Variants in CDH17 observed in about 807,000 individuals in gnomAD.
The protein encoded by CDH17 is cadherin 17.
Under a neutral mutation model 86.3 loss-of-function variants are expected in CDH17, and 67 were observed. That is an observed-to-expected ratio of 0.78 (90% confidence interval 0.64 to 0.95). The LOEUF (loss-of-function observed/expected upper bound fraction) is 0.95. Ranked by LOEUF, CDH17 falls within the 40% of genes least tolerant of loss-of-function variation. The pLI is 0.00. For missense variants in CDH17, 993 were observed against 1,017.6 expected (o/e 0.98, Z 0.33); for synonymous variants, 367 against 366.4 (o/e 1.00, Z -0.02).
At chr8:94,165,420 A>G (rs1327328531) in intron 10 of CDH17, among the ~76,000 whole-genome samples, 1 of 152,120 alleles carries the variant, frequency 6.6e-6, no homozygotes, top group Non-Finnish European at 1.5e-5. Flanking sequence ...AGCGTCAGGC[A>G]TCAGGCTTGT....
At chr8:94,195,206 G>A (rs1383837917) in intron 1 of CDH17, among the ~76,000 whole-genome samples, 1 of 152,040 alleles carries the variant, frequency 6.6e-6, no homozygotes, top group Admixed American at 6.6e-5. Context: ...TTTCACCATG[G>A]TGACCAAGCT....
At chr8:94,177,756 G>GCAAAAAACAGATTAAGTTGTAAT in intron 3 of CDH17, 35 bp from the exon 4 acceptor site, 2 of 1,604,318 alleles carry the variant, frequency 1.2e-6, no homozygotes, top group Non-Finnish European at 1.7e-6. Context: ...TAAGTTGTAA[G>GCAAAAAACAGATTAAGTTGTAAT]GGAAAAAACA....
At chr8:94,166,952 G>T (rs757371224) in intron 9 of CDH17, among the ~76,000 whole-genome samples, 2 of 152,154 alleles carry the variant, frequency 1.3e-5, no homozygotes, top group Non-Finnish European at 2.9e-5. Context: ...GTCTAGGAGA[G>T]AAAAGATTTC....
At chr8:94,128,445 T>G in intron 17 of CDH17, 105 bp from the exon 18 acceptor site, 1 of 703,820 alleles carries the variant, frequency 1.4e-6, no homozygotes, top group Non-Finnish European at 2.4e-6. Flanking sequence ...CTCAACTTCA[T>G]TTTTGTATGT....
chr8:94,173,937 C>A lies in CDH17; in HGVS notation c.643G>T (p.Asp215Tyr), dbSNP rs754008723. ...GAATTCTCACTCTGGCCTCCCATGT[C>A]CTTCACTGAGATCACCAGATTATAG... The part of the protein sequence containing the change: ...PSYNLVISVK[D>Y]MGGQSENSFS... The change falls in exon 7 of 18, where the codon GAC (aspartate) becomes TAC (tyrosine). Residue 215 changes from aspartate to tyrosine, a missense_variant. Asp to Tyr is a radical substitution (Grantham distance 160). Transcript: ENST00000027335. 6.2e-7 allele frequency: 1 copy of A among 1,613,782 alleles called. No homozygotes were observed. Among genetic ancestry groups the A allele is most frequent in the South Asian group, 1.1e-5 (1 of 91,074 alleles).
chr8:94,199,083 A>ATATATATATAT (rs1283889347), intron 1 of CDH17, among the ~76,000 whole-genome samples: 1 of 23,222 alleles, frequency 4.3e-5, no homozygotes, highest in African/African-American at 1.1e-4. Flanking sequence ...ATATATATAT[A>ATATATATATAT]TTTTTTTTTT....
At chr8:94,134,974 A>C (rs1018081900) in intron 15 of CDH17, among the ~76,000 whole-genome samples, 11 of 152,026 alleles carry the variant, frequency 7.2e-5, no homozygotes, top group Non-Finnish European at 1.5e-4. Flanking sequence ...TGTGGTTTTG[A>C]GTGAGTTTTT....
At position 94,127,384 on chromosome 8, in the gene CDH17, C is replaced by A. The variant is rs1158438093; in HGVS notation, c.*856G>T. The A allele has an allele frequency of 6.6e-6, 1 of 152,258 alleles. No individual in the cohort carries two copies. Among genetic ancestry groups the A allele is most frequent in the African/African-American group, 2.4e-5 (1 of 41,472 alleles). 9.4% of individuals were successfully genotyped at this position (152,258 alleles called of 1,614,324 possible). A position where few individuals can be genotyped will look rare whatever the true frequency, so the allele number is the denominator to read the frequency against. On this transcript the variant is annotated 3_prime_UTR_variant, in exon 18 of 18. Coordinates refer to ENST00000027335, the MANE Select transcript of CDH17 (RefSeq NM_004063.4). ...TGCAGAGTAGGTTGTGTTTGAACAC[C>A]TTCTGTGGGTCTGTGTCATTTCCAA...
Position 94,173,958 on chromosome 8 carries a change from T to G in CDH17, c.622A>C (p.Asn208His), listed in dbSNP as rs371527416. ...ELNPAKNPSY[N>H]LVISVKDMGG... ...ATGTCCTTCACTGAGATCACCAGAT[T>G]ATAGGAAGGATTCTTAGCAGGATTC... The change falls in exon 7 of 18, where the codon AAT (asparagine) becomes CAT (histidine). Residue 208 changes from asparagine to histidine, a missense_variant. Physicochemically the swap from Asn to His is moderately conservative, Grantham distance 68. Transcript: ENST00000027335. The G allele has an allele frequency of 1.9e-6, 3 of 1,613,702 alleles. No individual in the cohort carries two copies. Among genetic ancestry groups the G allele is most frequent in the Non-Finnish European group, 1.7e-6 (2 of 1,179,854 alleles).
chr8:94,127,387 C>T lies in CDH17; in HGVS notation c.*853G>A, dbSNP rs1414532494. On this transcript the variant is annotated 3_prime_UTR_variant, in exon 18 of 18. Transcript: ENST00000027335. ...AGAGTAGGTTGTGTTTGAACACCTT[C>T]TGTGGGTCTGTGTCATTTCCAAGTT... 1 of 152,258 alleles carries T rather than the reference C, an allele frequency of 6.6e-6. No homozygotes were observed. The highest frequency in any genetic ancestry group is 1.5e-5 in the Non-Finnish European group (1 of 68,052). 9.4% of individuals were successfully genotyped at this position (152,258 alleles called of 1,614,324 possible).
intron 10 of CDH17, among the ~76,000 whole-genome samples, chr8:94,162,627 T>C (rs540839173): frequency 6.6e-6 from 1 of 152,218 alleles, no homozygotes; most frequent in African/African-American, 2.4e-5. Context: ...GATGGTGAGG[T>C]CCAAGGGCCT....
intron 2 of CDH17, among the ~76,000 whole-genome samples, chr8:94,191,157 T>A (rs1030058581): frequency 6.6e-6 from 1 of 150,790 alleles, no homozygotes; most frequent in African/African-American, 2.4e-5. Flanking sequence ...TTCCTGATTT[T>A]AAAAAAAAGG....
At chr8:94,166,462 G>A (rs1015854812) in intron 9 of CDH17, among the ~76,000 whole-genome samples, 6 of 152,086 alleles carry the variant, frequency 3.9e-5, no homozygotes, top group African/African-American at 1.4e-4. Context: ...GTCACATTCC[G>A]AGGTACTAGG....
At chr8:94,131,152 A>G (rs1223210832) in intron 15 of CDH17, among the ~76,000 whole-genome samples, 160 bp from the exon 16 acceptor site, 1 of 152,194 alleles carries the variant, frequency 6.6e-6, no homozygotes, top group Admixed American at 6.5e-5. Flanking sequence ...GTATCTTCCC[A>G]TAAGGTAAGA....
intron 17 of CDH17, among the ~76,000 whole-genome samples, chr8:94,130,424 G>A (rs1245034503): frequency 2.6e-5 from 4 of 152,226 alleles, no homozygotes; most frequent in Admixed American, 6.5e-5. Flanking sequence ...AACTAATAAG[G>A]CAATAGAGAC....
chr8:94,193,151 T>G (rs944865544), intron 2 of CDH17, among the ~76,000 whole-genome samples: 18 of 152,232 alleles, frequency 1.2e-4, no homozygotes, highest in Non-Finnish European at 2.6e-4. Context: ...GAAATCCCAC[T>G]GGGGTGAGAG....
Position 94,128,060 on chromosome 8 carries a change from T to A in CDH17, c.*180A>T, listed in dbSNP as rs1812335520. The stretch of plus-strand genomic sequence containing the variant: ...GTGAGCTGGGATCACACCACTGTAC[T>A]CCAGCCTGGGCGACAGAGCAAGACT... On this transcript the variant is annotated 3_prime_UTR_variant, in exon 18 of 18. Transcript: ENST00000027335. The A allele has an allele frequency of 1.8e-6, 1 of 559,434 alleles. No homozygotes were observed. The allele number at this position is 559,434 out of a possible 1,614,324, so 34.7% of individuals were successfully genotyped here.
rs1812318747 is a variant in CDH17, at chr8:94,127,174, A to T, written c.*1066T>A. On this transcript the variant is annotated 3_prime_UTR_variant, in exon 18 of 18. Transcript: ENST00000027335. ...GAGGCAGAGCGGATCAACAAACAAAACTGACTACAACCAGTGTTTATTCTT... is the reference window on the plus strand; with the variant it reads ...GAGGCAGAGCGGATCAACAAACAAATCTGACTACAACCAGTGTTTATTCTT... The T allele has an allele frequency of 6.6e-6, 1 of 152,220 alleles. No homozygotes were observed. Among genetic ancestry groups the T allele is most frequent in the South Asian group, 2.1e-4 (1 of 4,834 alleles). 9.4% of individuals were successfully genotyped at this position (152,220 alleles called of 1,614,324 possible).
intron 1 of CDH17, among the ~76,000 whole-genome samples, chr8:94,195,783 C>CA (rs1443483129): frequency 2.0e-5 from 3 of 148,106 alleles, no homozygotes; most frequent in Admixed American, 2.0e-4. Flanking sequence ...TTTTTGGAGA[C>CA]AGAGTCCTGC....
Sources: allele counts gnomAD v4.1 joint callset (sites outside exome capture counted in the v4.1 genomes callset), GRCh38; gene constraint gnomAD v4.1.1; transcripts MANE v1.5; gene names NCBI Gene and HGNC (gene_info 2026-07-23, HGNC 2026-07-21).